The following ARHGAP15 variants were observed in gnomAD, a reference collection of about 807,000 sequenced individuals.
The protein encoded by ARHGAP15 is rho GTPase-activating protein 15.
A neutral mutation model predicts 63.7 loss-of-function variants in ARHGAP15; 51 were observed. The observed-to-expected ratio is 0.80, with a 90% confidence interval of 0.64 to 1.01. The LOEUF is 1.01. ARHGAP15 is among the 50% of genes least tolerant of loss of function. The probability of loss-of-function intolerance (pLI) is 0.00; values close to 1 mark genes in which losing one functional copy is unlikely to be tolerated. For synonymous variants in ARHGAP15, 191 were observed against 193.8 expected, an observed-to-expected ratio of 0.99 and a Z score of 0.12; for missense variants, 560 against 564.6, an observed-to-expected ratio of 0.99 and a Z score of 0.08.
At chr2:143,287,765 T>C (rs1430824820) in intron 6 of ARHGAP15, among the ~76,000 whole-genome samples, 5 of 151,766 alleles carry the variant, frequency 3.3e-5, no homozygotes, top group Non-Finnish European at 5.9e-5. Context: ...ATCGCGCCAT[T>C]GCACTCCAGC....
At chr2:143,133,174 G>A (rs1392595734) in intron 1 of ARHGAP15, among the ~76,000 whole-genome samples, 2 of 152,150 alleles carry the variant, frequency 1.3e-5, no homozygotes, top group East Asian at 3.8e-4. Context: ...AAGTTTTGTG[G>A]TAGTTTTCAG....
chr2:143,270,632 A>G (rs1451256489), intron 6 of ARHGAP15, among the ~76,000 whole-genome samples: 3 of 152,186 alleles, frequency 2.0e-5, no homozygotes, highest in African/African-American at 7.2e-5. Flanking sequence ...AAATAAATGT[A>G]TCTCAGAGAC....
At chr2:143,643,837 C>A (rs1392131154) in intron 12 of ARHGAP15, among the ~76,000 whole-genome samples, 1 of 151,908 alleles carries the variant, frequency 6.6e-6, no homozygotes, top group East Asian at 1.9e-4. Flanking sequence ...AGCTAGATAA[C>A]CAAGAGGATA....
chr2:143,435,178 A>C, intron 6 of ARHGAP15: 3 of 823,266 alleles, frequency 3.6e-6, no homozygotes, highest in Non-Finnish European at 4.4e-6. Context: ...CCATAAAAGG[A>C]AATCAAATAT....
intron 5 of ARHGAP15, among the ~76,000 whole-genome samples, chr2:143,228,897 A>C (rs1262548807): frequency 1.3e-5 from 2 of 152,188 alleles, no homozygotes; most frequent in Non-Finnish European, 2.9e-5. Context: ...ATGTATGGTG[A>C]GCAGCTATGT....
intron 6 of ARHGAP15, among the ~76,000 whole-genome samples, chr2:143,303,569 G>T (rs1487111872): frequency 6.6e-6 from 1 of 152,056 alleles, no homozygotes; most frequent in African/African-American, 2.4e-5. Context: ...AGGACTTCAT[G>T]TCTAAAACAC....
chr2:143,605,467 A>G (rs1288553530), intron 11 of ARHGAP15, among the ~76,000 whole-genome samples: 1 of 152,106 alleles, frequency 6.6e-6, no homozygotes, highest in African/African-American at 2.4e-5. Flanking sequence ...GAAACAAGGC[A>G]TTTCCAGAAG....
chr2:143,491,330 A>G (rs896007579), intron 9 of ARHGAP15, among the ~76,000 whole-genome samples: 12 of 152,188 alleles, frequency 7.9e-5, no homozygotes, highest in African/African-American at 2.9e-4. Context: ...CTTTCAAATA[A>G]CAGTATTGAC....
chr2:143,198,337 G>A (rs759279887), intron 2 of ARHGAP15, among the ~76,000 whole-genome samples: 5 of 151,964 alleles, frequency 3.3e-5, no homozygotes, highest in African/African-American at 1.2e-4. Flanking sequence ...AAATAAGTAT[G>A]TGCCCAGTTT....
intron 9 of ARHGAP15, among the ~76,000 whole-genome samples, chr2:143,501,600 T>C (rs1371911855): frequency 1.3e-5 from 2 of 152,320 alleles, no homozygotes; most frequent in African/African-American, 4.8e-5. Flanking sequence ...TAGCATCCGT[T>C]TCTTATGTTC....
At chr2:143,684,765 C>G (rs2105378239) in intron 12 of ARHGAP15, among the ~76,000 whole-genome samples, 1 of 152,242 alleles carries the variant, frequency 6.6e-6, no homozygotes, top group South Asian at 2.1e-4. Context: ...AGAGAAATCT[C>G]TGAAAGCAGT....
intron 4 of ARHGAP15, among the ~76,000 whole-genome samples, chr2:143,223,133 T>G (rs1693064290): frequency 6.6e-6 from 1 of 152,098 alleles, no homozygotes; most frequent in Admixed American, 6.6e-5. Context: ...CCCACCACCA[T>G]GCCCATCTAA....
At chr2:143,639,837 T>C (rs1223471166) in intron 12 of ARHGAP15, among the ~76,000 whole-genome samples, 3 of 152,150 alleles carry the variant, frequency 2.0e-5, no homozygotes, top group Non-Finnish European at 4.4e-5. Context: ...TAAAATACTA[T>C]GTCTACTCAC....
At chr2:143,742,033 A>T (rs1685982179) in intron 13 of ARHGAP15, among the ~76,000 whole-genome samples, 2 of 152,244 alleles carry the variant, frequency 1.3e-5, no homozygotes, top group Admixed American at 1.3e-4. Context: ...GACAGTTATC[A>T]GTTATCAGGA....
intron 13 of ARHGAP15, among the ~76,000 whole-genome samples, chr2:143,765,952 T>C (rs1268363353): frequency 6.6e-6 from 1 of 152,118 alleles, no homozygotes; most frequent in Non-Finnish European, 1.5e-5. Context: ...AGAACAGTAG[T>C]TGATTATTAT....
intron 13 of ARHGAP15, among the ~76,000 whole-genome samples, chr2:143,717,791 G>T (rs1232982118): frequency 2.0e-5 from 3 of 151,622 alleles, no homozygotes; most frequent in African/African-American, 7.3e-5. Flanking sequence ...GCTGCAGTTA[G>T]TCAAGGCTGT....
chr2:143,432,948 C>T (rs1348881495), intron 6 of ARHGAP15, among the ~76,000 whole-genome samples: 1 of 152,022 alleles, frequency 6.6e-6, no homozygotes, highest in Non-Finnish European at 1.5e-5. Context: ...ACCCCAGCAT[C>T]TGTCACGGAG....
At chr2:143,166,041 A>AAAAG (rs70982848) in intron 2 of ARHGAP15, among the ~76,000 whole-genome samples, 5,578 of 95,938 alleles carry the variant, frequency 0.058, 373 homozygotes, top group African/African-American at 0.19. Flanking sequence ...CAAAGGAAGA[A>AAAAG]AAAGAAAGAA....
intron 6 of ARHGAP15, among the ~76,000 whole-genome samples, chr2:143,336,572 T>TA (rs199505378): frequency 3.6e-5 from 2 of 55,886 alleles, no homozygotes; most frequent in African/African-American, 6.3e-5. Flanking sequence ...TTCTGCAGTT[T>TA]AAAAAAAAGT....
Sources: gnomAD v4.1 joint callset for allele counts (sites outside exome capture counted in the v4.1 genomes callset) on GRCh38, gnomAD v4.1.1 for gene constraint, MANE v1.5 for transcripts, NCBI Gene and HGNC (gene_info 2026-07-23, HGNC 2026-07-21) for gene names.